Variants in HHAT observed in about 807,000 individuals in gnomAD.
The protein encoded by HHAT is hedgehog acyltransferase.
In HHAT, 47 loss-of-function variants were observed where a neutral mutation model predicts 70.8. The ratio of observed to expected loss-of-function variants is 0.66; its 90% CI spans 0.53 to 0.85. HHAT has a LOEUF of 0.85. Ranked by LOEUF, HHAT falls within the 40% of genes least tolerant of loss-of-function variation. The probability of loss-of-function intolerance (pLI) is 0.00; values close to 1 mark genes in which losing one functional copy is unlikely to be tolerated. For synonymous variants in HHAT, 228 were observed against 247.6 expected (o/e 0.92, Z 0.74); for missense variants, 609 against 604.8 (o/e 1.01, Z -0.07).
intron 3 of HHAT, among the ~76,000 whole-genome samples, chr1:210,375,204 C>G (rs12120970): frequency 0.11 from 17,472 of 152,180 alleles, 1,326 homozygotes; most frequent in East Asian, 0.29. Flanking sequence ...CTCTGTGCTG[C>G]CTCTTTGATG....
At chr1:210,573,157 G>A (rs914715247) in intron 9 of HHAT, among the ~76,000 whole-genome samples, 1 of 152,066 alleles carries the variant, frequency 6.6e-6, no homozygotes, top group Non-Finnish European at 1.5e-5. Flanking sequence ...CAAATGTTCC[G>A]AGACCTTTAT....
intron 8 of HHAT, among the ~76,000 whole-genome samples, chr1:210,500,063 G>A (rs1009813521): frequency 6.6e-6 from 1 of 152,194 alleles, no homozygotes; most frequent in Non-Finnish European, 1.5e-5. Context: ...GAAAGCCTGT[G>A]TACCTCATTC....
At chr1:210,451,010 C>T (rs2148396893) in intron 7 of HHAT, among the ~76,000 whole-genome samples, 1 of 151,302 alleles carries the variant, frequency 6.6e-6, no homozygotes, top group Non-Finnish European at 1.5e-5. Context: ...TGGTGTGAAC[C>T]CGGGAGGTGG....
intron 11 of HHAT, among the ~76,000 whole-genome samples, chr1:210,673,957 C>CTT (rs1318957937): frequency 0.59 from 83,113 of 141,108 alleles, 25,880 homozygotes; most frequent in Non-Finnish European, 0.7. Context: ...TGCCCTATTT[C>CTT]TTTTTTTTTT....
rs570536856 is a variant in HHAT, at chr1:210,422,485, T to C, written c.856+4160T>C. Among the ~76,000 whole-genome samples, 4 of 152,328 alleles carry C rather than the reference T, an allele frequency of 2.6e-5. No homozygotes were observed. The East Asian group carries it at 7.7e-4, about 29-fold the overall frequency. ...GTATGAACATTTATTAGCTTCCACCTATGAGTGAGAACATGTGGTGTTAAC... is the reference window on the plus strand; with the variant it reads ...GTATGAACATTTATTAGCTTCCACCCATGAGTGAGAACATGTGGTGTTAAC... On this transcript the variant is annotated intron_variant, in intron 7 of 11. Coordinates refer to ENST00000261458, the MANE Select transcript of HHAT (RefSeq NM_018194.6).
At chr1:210,501,617 A>G (rs1044936617) in intron 8 of HHAT, among the ~76,000 whole-genome samples, 6 of 152,238 alleles carry the variant, frequency 3.9e-5, no homozygotes, top group Non-Finnish European at 7.3e-5. Flanking sequence ...CAATCTGCTG[A>G]CGTCCACAGT....
chr1:210,504,714 T>C (rs1004305340), intron 8 of HHAT, among the ~76,000 whole-genome samples: 1 of 152,136 alleles, frequency 6.6e-6, no homozygotes, highest in African/African-American at 2.4e-5. Flanking sequence ...TGTCATGTGG[T>C]AACTCAGGAC....
intron 11 of HHAT, among the ~76,000 whole-genome samples, chr1:210,643,255 C>T (rs1233360032): frequency 6.6e-6 from 1 of 152,164 alleles, no homozygotes; most frequent in East Asian, 1.9e-4. Flanking sequence ...GTCTTGGATA[C>T]ACTTAAATTT....
intron 3 of HHAT, among the ~76,000 whole-genome samples, chr1:210,372,101 C>T (rs182727078): frequency 6.6e-6 from 1 of 152,300 alleles, no homozygotes; most frequent in East Asian, 1.9e-4. Flanking sequence ...TTTAATATGG[C>T]TGATGTGTGA....
intron 1 of HHAT, among the ~76,000 whole-genome samples, chr1:210,346,760 T>C (rs1037431739): frequency 6.6e-6 from 1 of 152,216 alleles, no homozygotes; most frequent in African/African-American, 2.4e-5. Flanking sequence ...AGTTTGTGTG[T>C]GCGGCAGATT....
intron 10 of HHAT, among the ~76,000 whole-genome samples, chr1:210,603,476 G>C (rs1399160429): frequency 6.6e-6 from 1 of 152,016 alleles, no homozygotes; most frequent in Non-Finnish European, 1.5e-5. Context: ...ATTTGGCTGT[G>C]TCTTTCCAAT....
chr1:210,391,251 A>G (rs1234665524), intron 4 of HHAT, among the ~76,000 whole-genome samples: 1 of 152,222 alleles, frequency 6.6e-6, no homozygotes, highest in Non-Finnish European at 1.5e-5. Flanking sequence ...TCAAACTAGA[A>G]AGTATACATA....
chr1:210,340,242 G>GGGGGGAAAAAAAAAAAAA (rs1553313987), intron 1 of HHAT, among the ~76,000 whole-genome samples: 12 of 99,784 alleles, frequency 1.2e-4, no homozygotes, highest in African/African-American at 4.1e-4. Context: ...CTCTGTCTCA[G>GGGGGGAAAAAAAAAAAAA]AAAAAAAAAA....
intron 10 of HHAT, among the ~76,000 whole-genome samples, chr1:210,603,225 G>A (rs1385940218): frequency 6.6e-6 from 1 of 151,888 alleles, no homozygotes; most frequent in Admixed American, 6.6e-5. Context: ...ACTCTCACCT[G>A]AGAAACCATA....
At chr1:210,334,906 A>T (rs2085343040) in intron 1 of HHAT, among the ~76,000 whole-genome samples, 1 of 152,156 alleles carries the variant, frequency 6.6e-6, no homozygotes, top group Non-Finnish European at 1.5e-5. Flanking sequence ...AGAAAAAATG[A>T]GTAGTCCTAT....
At chr1:210,477,667 C>T (rs1433932801) in intron 8 of HHAT, among the ~76,000 whole-genome samples, 1 of 152,192 alleles carries the variant, frequency 6.6e-6, no homozygotes, top group Non-Finnish European at 1.5e-5. Flanking sequence ...CTGCAGGCTA[C>T]AGAGGATTTG....
chr1:210,536,324 A>G (rs2095371575), intron 9 of HHAT, among the ~76,000 whole-genome samples: 1 of 152,220 alleles, frequency 6.6e-6, no homozygotes, highest in South Asian at 2.1e-4. Flanking sequence ...TACTGCTGGT[A>G]TTTTGAGAAT....
chr1:210,384,895 T>G (rs1421468458), intron 3 of HHAT, among the ~76,000 whole-genome samples: 1 of 152,238 alleles, frequency 6.6e-6, no homozygotes, highest in East Asian at 1.9e-4. Context: ...TCTTGACCTA[T>G]TCATTGGCCC....
chr1:210,538,963 A>G (rs957290386), intron 9 of HHAT, among the ~76,000 whole-genome samples: 1 of 152,084 alleles, frequency 6.6e-6, no homozygotes, highest in African/African-American at 2.4e-5. Context: ...TGTAATCCCA[A>G]CTATTCAGGA....
Sources: gnomAD v4.1 joint callset for allele counts (sites outside exome capture counted in the v4.1 genomes callset) on GRCh38, gnomAD v4.1.1 for gene constraint, MANE v1.5 for transcripts, NCBI Gene and HGNC (gene_info 2026-07-23, HGNC 2026-07-21) for gene names.